The following WDR6 variants were observed in gnomAD, a reference collection of about 807,000 sequenced individuals.
The protein encoded by WDR6 is WD repeat domain 6, also known as tRNA (34-2'-O)-methyltransferase regulator WDR6.
In WDR6, 58 loss-of-function variants were observed where a neutral mutation model predicts 85.6. That is an observed-to-expected ratio of 0.68 (90% CI 0.55 to 0.84). The LOEUF is 0.84. WDR6 is among the 40% of genes least tolerant of loss of function. The pLI is 0.00. For missense variants in WDR6, 1,310 were observed against 1,476.4 expected (o/e 0.89, Z 1.85); for synonymous variants, 569 against 582.2 (o/e 0.98, Z 0.33).
At position 49,012,903 on chromosome 3, in the gene WDR6, G is replaced by T; in HGVS notation, c.1369G>T (p.Gly457Cys). 1.2e-6 allele frequency: 2 copies of T among 1,613,816 alleles called. No individual in the cohort carries two copies. The highest frequency in any genetic ancestry group is 1.7e-6 in the Non-Finnish European group (2 of 1,179,962). The change falls in exon 2 of 6, where the codon GGC becomes TGC. Residue 457 changes from glycine to cysteine, a missense_variant. Gly to Cys is a radical substitution (Grantham distance 159, BLOSUM62 -3). Transcript: ENST00000608424. The surrounding 1 kb of genome is among the most constrained non-coding windows in gnomAD (Gnocchi z 4.4). ...GYEELLLLAS[G>C]PGGVVACLEI... Reference sequence around the variant, plus strand: ...TGAGGAGCTCCTGTTGCTGGCATCGGGCCCTGGCGGGGTAGTAGCTTGCCT... The same window carrying T: ...TGAGGAGCTCCTGTTGCTGGCATCGTGCCCTGGCGGGGTAGTAGCTTGCCT...
chr3:49,011,098 T>C (rs1380756898), intron 1 of WDR6: 1 of 447,574 alleles, frequency 2.2e-6, no homozygotes, highest in African/African-American at 2.0e-5. Context: ...GATTTTCTTT[T>C]TTCTTTTTTT....
In WDR6 at chr3:49,011,836, A is replaced by G. The variant is rs769409426; in HGVS notation, c.302A>G (p.Gln101Arg). The change falls in exon 2 of 6, where the codon CAG becomes CGG. Residue 101 changes from glutamine to arginine, a missense_variant. By Grantham distance (43) the Gln-to-Arg change is conservative. Coordinates refer to ENST00000608424, the MANE Select transcript of WDR6 (RefSeq NM_018031.6). Reference sequence around the variant, plus strand: ...CGAGTTGTGAAAATTAGCTGGGGACAGGGCCACTTCTGGGAGCTTTGGCGC... The same window carrying G: ...CGAGTTGTGAAAATTAGCTGGGGACGGGGCCACTTCTGGGAGCTTTGGCGC... ...GLRVVKISWG[Q>R]GHFWELWRSG... is the part of the protein sequence containing the mutation. The G allele has an allele frequency of 6.2e-7, 1 of 1,614,228 alleles. No individual in the cohort carries two copies.
chr3:49,014,157 A>G lies in WDR6; in HGVS notation c.2582+41A>G, dbSNP rs2093035507. 1 of 1,614,000 alleles carries G rather than the reference A, an allele frequency of 6.2e-7. No individual in the cohort carries two copies. The highest frequency in any genetic ancestry group is 1.3e-5 in the African/African-American group (1 of 74,922). Reference sequence around the variant, plus strand: ...GGGCAGGGTGTGGTATGGGTCATGCAGATGCTCCCAGGCTTGCAGGCTCCA... The same window carrying G: ...GGGCAGGGTGTGGTATGGGTCATGCGGATGCTCCCAGGCTTGCAGGCTCCA... On this transcript the variant is annotated intron_variant, in intron 2 of 5. Coordinates refer to ENST00000608424, the MANE Select transcript of WDR6 (RefSeq NM_018031.6). This position sits in a 1 kb window ranked among gnomAD's most constrained non-coding sequence, Gnocchi z 4.9.
Position 49,013,861 on chromosome 3 carries a change from C to T in WDR6, c.2327C>T (p.Ser776Leu), listed in dbSNP as rs61732633. The part of the protein sequence containing the change: ...ALTAVCNHIS[S>L]VRAVAVWGIG... ...ACAGCTGTTTGTAACCATATCTCCT[C>T]GGTACGTGCTGTGGCTGTGTGGGGC... Residue 776 changes from serine to leucine, a missense_variant, in exon 2 of 6, where the codon TCG (serine) becomes TTG (leucine). Physicochemically the swap from Ser to Leu is moderately radical, Grantham distance 145. Coordinates refer to ENST00000608424, the MANE Select transcript of WDR6 (RefSeq NM_018031.6). The surrounding 1 kb of genome is among the most constrained non-coding windows in gnomAD (Gnocchi z 4.6). 42 of 1,613,946 alleles carry T rather than the reference C, an allele frequency of 2.6e-5. No individual in the cohort carries two copies. Among genetic ancestry groups the T allele is most frequent in the Middle Eastern group, 1.6e-4 (1 of 6,084 alleles).
chr3:49,007,682 G>A lies in WDR6; in HGVS notation c.100+151G>A. 7.5e-7 allele frequency: 1 copy of A among 1,336,076 alleles called. No individual in the cohort carries two copies. Among genetic ancestry groups the A allele is most frequent in the Non-Finnish European group, 9.6e-7 (1 of 1,039,442 alleles). The allele number at this position is 1,336,076 out of a possible 1,614,324, so 82.8% of individuals were successfully genotyped here. The stretch of plus-strand genomic sequence containing the variant: ...GAGGTGGGAAGGGAGCCCCGGAGAT[G>A]GCGGGGACGAGGGCCAACCTGAAGA... On this transcript the variant is annotated intron_variant, in intron 1 of 5. Transcript: ENST00000608424. The surrounding 1 kb of genome is among the most constrained non-coding windows in gnomAD (Gnocchi z 5.1).
At position 49,015,129 on chromosome 3, in the gene WDR6, C is replaced by G. The variant is rs776210979; in HGVS notation, c.3207C>G (p.Thr1069=). ...CAGCCTCCATTGATCAACGGCTGAC[C>G]TTCTGGCGTCTGGGGCATGGTGAAC... The part of the protein sequence containing the change: ...MVSASIDQRL[T]FWRLGHGEPT... The change falls in exon 6 of 6, where the codon ACC becomes ACG. Residue 1069 remains threonine (T), a synonymous_variant. Coordinates refer to ENST00000608424, the MANE Select transcript of WDR6 (RefSeq NM_018031.6). 9 of 1,614,034 alleles carry G rather than the reference C, an allele frequency of 5.6e-6. No individual in the cohort carries two copies. Among genetic ancestry groups the G allele is most frequent in the Non-Finnish European group, 5.9e-6 (7 of 1,180,044 alleles).
chr3:49,011,985 G>A lies in WDR6; in HGVS notation c.451G>A (p.Glu151Lys). 6.2e-7 allele frequency: 1 copy of A among 1,614,200 alleles called. No homozygotes were observed. ...CCCTGTAGTAGGGTGCATCCTGCAA[G>A]AGGTGCCCTGCACAGACAGGTGCAC... ...YDPVVGCILQ[E>K]VPCTDRCTLS... Residue 151 changes from glutamate (E) to lysine (K), a missense_variant, in exon 2 of 6, where the codon GAG becomes AAG. By Grantham distance (56) the Glu-to-Lys change is moderately conservative (BLOSUM62 1). Coordinates refer to ENST00000608424, the MANE Select transcript of WDR6 (RefSeq NM_018031.6).
Position 49,014,089 on chromosome 3 carries a change from G to C in WDR6, c.2555G>C (p.Arg852Pro), listed in dbSNP as rs373762901. The change falls in exon 2 of 6, where the codon CGG (arginine) becomes CCG (proline). Residue 852 changes from arginine to proline, a missense_variant. Coordinates refer to ENST00000608424, the MANE Select transcript of WDR6 (RefSeq NM_018031.6). This position sits in a 1 kb window ranked among gnomAD's most constrained non-coding sequence, Gnocchi z 4.9. ...TGGGACCGGCAACGCAATCGGCATC[G>C]GATGGTTAAGGTAGACCCAGAGACC... ...EYWDRQRNRH[R>P]MVKVDPETRY... 1.9e-6 allele frequency: 3 copies of C among 1,613,334 alleles called. No individual in the cohort carries two copies. Among genetic ancestry groups the C allele is most frequent in the Non-Finnish European group, 1.7e-6 (2 of 1,179,844 alleles).
intron 1 of WDR6, among the ~76,000 whole-genome samples, chr3:49,009,618 A>G (rs1490194200): frequency 1.3e-5 from 2 of 152,146 alleles, no homozygotes; most frequent in African/African-American, 4.8e-5. Context: ...AGCTATTGCT[A>G]GATGTCTCCT....
chr3:49,013,405 A>T lies in WDR6; in HGVS notation c.1871A>T (p.Asp624Val). The T allele has an allele frequency of 6.2e-7, 1 of 1,614,142 alleles. No homozygotes were observed. Among genetic ancestry groups the T allele is most frequent in the Non-Finnish European group, 8.5e-7 (1 of 1,180,026 alleles). ...CTAGCTGGGCTCCGTATAGTGCCCG[A>T]TGGGAGCATGGTTATCCTGGGTTTC... ...NWLAGLRIVP[D>V]GSMVILGFHA... The change falls in exon 2 of 6, where the codon GAT (aspartate) becomes GTT (valine). Residue 624 changes from aspartate to valine, a missense_variant. Coordinates refer to ENST00000608424, the MANE Select transcript of WDR6 (RefSeq NM_018031.6). This position sits in a 1 kb window ranked among gnomAD's most constrained non-coding sequence, Gnocchi z 4.6.
rs1333579592 is a variant in WDR6 at position 49,012,574 on chromosome 3, G to A, written c.1040G>A (p.Arg347Lys). Reference protein sequence around the residue: ...VSALCFKSRSRPGTLKAVTLA... With the variant: ...VSALCFKSRSKPGTLKAVTLA... ...GCTCTCTGCTTCAAGTCCCGTAGTA[G>A]GCCAGGTACACTCAAGGCTGTGACT... Residue 347 changes from arginine (R) to lysine (K), a missense_variant, in exon 2 of 6, where the codon AGG becomes AAG. Transcript: ENST00000608424. The surrounding 1 kb of genome is among the most constrained non-coding windows in gnomAD (Gnocchi z 4.4). 3 of 1,613,934 alleles carry A rather than the reference G, an allele frequency of 1.9e-6. No homozygotes were observed. The highest frequency in any genetic ancestry group is 2.5e-6 in the Non-Finnish European group (3 of 1,180,028).
chr3:49,007,768 G>A lies in WDR6; in HGVS notation c.100+237G>A. On this transcript the variant is annotated intron_variant, in intron 1 of 5. Coordinates refer to ENST00000608424, the MANE Select transcript of WDR6 (RefSeq NM_018031.6). The surrounding 1 kb of genome is among the most constrained non-coding windows in gnomAD (Gnocchi z 5.1). ...CGCGGCGCTTCATAAACTTCAGCCC[G>A]CGTGGAAAGGGCGGGTGGAACCGCG... 1.7e-6 allele frequency: 2 copies of A among 1,156,168 alleles called. No homozygotes were observed. The highest frequency in any genetic ancestry group is 2.3e-5 in the South Asian group (1 of 43,072). 71.6% of individuals were successfully genotyped at this position (1,156,168 alleles called of 1,614,324 possible). A position where few individuals can be genotyped will look rare whatever the true frequency, so the allele number is the denominator to read the frequency against.
intron 1 of WDR6, chr3:49,008,543 G>C (rs2092997522): frequency 6.6e-6 from 1 of 152,232 alleles, no homozygotes; most frequent in African/African-American, 2.4e-5. Context: ...GAGTGAACTA[G>C]GAAAAGGGGT....
chr3:49,015,925 C>G lies in WDR6; in HGVS notation c.*637C>G. 1 of 1,614,130 alleles carries G rather than the reference C, an allele frequency of 6.2e-7. No homozygotes were observed. Among genetic ancestry groups the G allele is most frequent in the Non-Finnish European group, 8.5e-7 (1 of 1,180,032 alleles). On this transcript the variant is annotated 3_prime_UTR_variant, in exon 6 of 6. Coordinates refer to ENST00000608424, the MANE Select transcript of WDR6 (RefSeq NM_018031.6). Reference sequence around the variant, plus strand: ...CATCTCTTTGCTCTTGTGCCCCAGGCCAGAATAAAGAATAGAGTGTAGAGT... The same window carrying G: ...CATCTCTTTGCTCTTGTGCCCCAGGGCAGAATAAAGAATAGAGTGTAGAGT...
Position 49,015,805 on chromosome 3 carries a change from C to G in WDR6, c.*517C>G. 1 of 1,614,134 alleles carries G rather than the reference C, an allele frequency of 6.2e-7. No homozygotes were observed. Among genetic ancestry groups the G allele is most frequent in the Non-Finnish European group, 8.5e-7 (1 of 1,180,036 alleles). ...CACCCCATTTTGCTGTGTGCTCACC[C>G]CCAGGATGTGTACCCGGTTGTAGTA... On this transcript the variant is annotated 3_prime_UTR_variant, in exon 6 of 6. Coordinates refer to ENST00000608424, the MANE Select transcript of WDR6 (RefSeq NM_018031.6).
rs2093015453 is a variant in WDR6, at chr3:49,011,631, C to CTGA, written c.101-3_101-2insGAT. 1 of 1,613,502 alleles carries CTGA rather than the reference C, an allele frequency of 6.2e-7. No homozygotes were observed. The highest frequency in any genetic ancestry group is 1.1e-5 in the South Asian group (1 of 91,068). On this transcript the variant is annotated splice_region_variant and splice_polypyrimidine_tract_variant and intron_variant, in intron 1 of 5. Coordinates refer to ENST00000608424, the MANE Select transcript of WDR6 (RefSeq NM_018031.6). ...CTCTGACATGGCTCTTTGCCTCTAT[C>CTGA]TAGGTGAGGGTCCCGATGTCCTGGT... is the stretch of plus-strand genomic sequence containing the variant.
chr3:49,012,801 A>G lies in WDR6; in HGVS notation c.1267A>G (p.Asn423Asp), dbSNP rs750918648. Residue 423 changes from asparagine to aspartate, a missense_variant, in exon 2 of 6, where the codon AAC (asparagine) becomes GAC (aspartate). Physicochemically the swap from Asn to Asp is conservative, Grantham distance 23. Coordinates refer to ENST00000608424, the MANE Select transcript of WDR6 (RefSeq NM_018031.6). The surrounding 1 kb of genome is among the most constrained non-coding windows in gnomAD (Gnocchi z 4.4). The part of the protein sequence containing the change: ...GEGRVKVVPI[N>D]TPTAAVDQTL... ...AGGTCGTGTCAAGGTTGTCCCCATCAACACTCCAACTGCTGCTGTGGACCA... is the reference window on the plus strand; with the variant it reads ...AGGTCGTGTCAAGGTTGTCCCCATCGACACTCCAACTGCTGCTGTGGACCA... 6.2e-7 allele frequency: 1 copy of G among 1,613,810 alleles called. No homozygotes were observed. Among genetic ancestry groups the G allele is most frequent in the African/African-American group, 1.3e-5 (1 of 74,848 alleles).
intron 1 of WDR6, among the ~76,000 whole-genome samples, chr3:49,010,261 C>G (rs1239808224): frequency 6.6e-6 from 1 of 151,146 alleles, no homozygotes; most frequent in Non-Finnish European, 1.5e-5. Context: ...AAAAAATTAG[C>G]CGGGCATGGT....
chr3:49,007,619 C>T lies in WDR6; in HGVS notation c.100+88C>T. On this transcript the variant is annotated intron_variant, in intron 1 of 5. Transcript: ENST00000608424. The surrounding 1 kb of genome is among the most constrained non-coding windows in gnomAD (Gnocchi z 5.1). Reference sequence around the variant, plus strand: ...GGTGCCACAGGGACAAAAGGGGTGCCCTGAGGAGAAGGACGGGCAGCAGGT... The same window carrying T: ...GGTGCCACAGGGACAAAAGGGGTGCTCTGAGGAGAAGGACGGGCAGCAGGT... 6.9e-7 allele frequency: 1 copy of T among 1,440,724 alleles called. No homozygotes were observed. The highest frequency in any genetic ancestry group is 9.2e-7 in the Non-Finnish European group (1 of 1,090,332). The allele number at this position is 1,440,724 out of a possible 1,614,324, so 89.2% of individuals were successfully genotyped here.
Sources: allele counts gnomAD v4.1 joint callset (sites outside exome capture counted in the v4.1 genomes callset), GRCh38; gene constraint gnomAD v4.1.1; non-coding constraint Gnocchi (gnomAD v3.1); transcripts MANE v1.5; gene names NCBI Gene and HGNC (gene_info 2026-07-23, HGNC 2026-07-21).